Variants in ANKRD33B observed in about 807,000 individuals in gnomAD.
ANKRD33B encodes ankyrin repeat domain 33B, also known as ankyrin repeat domain-containing protein 33B.
A neutral mutation model predicts 21.5 loss-of-function variants in ANKRD33B; 6 were observed. The observed-to-expected ratio is 0.28, with a 90% CI of 0.15 to 0.55. The LOEUF (loss-of-function observed/expected upper bound fraction) is 0.55. Among genes scored for constraint, ANKRD33B ranks in the 20% least tolerant of loss-of-function variants. The probability of loss-of-function intolerance (pLI) is 0.94; values close to 1 mark genes in which losing one functional copy is unlikely to be tolerated. For missense variants in ANKRD33B, 698 were observed against 747.2 expected, an observed-to-expected ratio of 0.93 and a Z score of 0.77; for synonymous variants, 347 against 342.4, an observed-to-expected ratio of 1.01 and a Z score of -0.15.
In ANKRD33B at chr5:10,591,194, G is replaced by GTTTTT. The variant is rs749837253; in HGVS notation, c.366+26361_366+26362insTTTTT. On this transcript the variant is annotated intron_variant, in intron 1 of 3. Transcript: ENST00000296657. ...AATAGTCATCTACATTTTTTTTAGTGGTTTTTTTTTTTTTTTGAGATGGAG... is the reference window on the plus strand; with the variant it reads ...AATAGTCATCTACATTTTTTTTAGTGTTTTTGTTTTTTTTTTTTTTTGAGATGGAG... 2.3e-3 allele frequency among the ~76,000 whole-genome samples: 258 copies of GTTTTT among 113,446 alleles called. 17 individuals carry two copies. Among genetic ancestry groups the GTTTTT allele is most frequent in the African/African-American group, 7.1e-3 (220 of 30,824 alleles). The allele number at this position is 113,446 out of a possible 152,430, so 74.4% of individuals were successfully genotyped here. A position where few individuals can be genotyped will look rare whatever the true frequency, so the allele number is the denominator to read the frequency against.
intron 1 of ANKRD33B, among the ~76,000 whole-genome samples, chr5:10,567,763 C>T (rs1277365970): frequency 6.6e-6 from 1 of 152,118 alleles, no homozygotes; most frequent in African/African-American, 2.4e-5. Flanking sequence ...ACGGAGGGAA[C>T]AGTGTGTGCA....
At chr5:10,633,096 T>TC (rs1736767307) in intron 2 of ANKRD33B, among the ~76,000 whole-genome samples, 1 of 128,066 alleles carries the variant, frequency 7.8e-6, no homozygotes, top group Non-Finnish European at 1.7e-5. Flanking sequence ...CCAGTTCTCC[T>TC]CTTTTTTTTT....
chr5:10,630,088 A>G (rs1736669927), intron 2 of ANKRD33B, among the ~76,000 whole-genome samples: 1 of 152,282 alleles, frequency 6.6e-6, no homozygotes, highest in Middle Eastern at 3.4e-3. Flanking sequence ...TGAGTCACAT[A>G]TGCTTTTAAG....
At position 10,576,474 on chromosome 5, in the gene ANKRD33B, A is replaced by G. The variant is rs1380870321; in HGVS notation, c.366+11641A>G. 1.3e-5 allele frequency among the ~76,000 whole-genome samples: 2 copies of G among 152,172 alleles called. No individual in the cohort carries two copies. Among genetic ancestry groups the G allele is most frequent in the African/African-American group, 4.8e-5 (2 of 41,458 alleles). On this transcript the variant is annotated intron_variant, in intron 1 of 3. Coordinates refer to ENST00000296657, the MANE Select transcript of ANKRD33B (RefSeq NM_001164440.2). The surrounding 1 kb of genome is among the most constrained non-coding windows in gnomAD (Gnocchi z 4.1). ...TTCTAGAACTTTTCTTAGAGTAGAA[A>G]TCCAGTTTGTTGGTTGCATGATCCT...
At chr5:10,610,359 G>A (rs762164909) in intron 1 of ANKRD33B, among the ~76,000 whole-genome samples, 24 of 151,888 alleles carry the variant, frequency 1.6e-4, no homozygotes, top group East Asian at 9.6e-4. Flanking sequence ...TGCTCCTGAC[G>A]TCTAATGGGT....
chr5:10,629,102 C>A (rs1736646169), intron 2 of ANKRD33B, among the ~76,000 whole-genome samples: 1 of 152,026 alleles, frequency 6.6e-6, no homozygotes, highest in African/African-American at 2.4e-5. Context: ...AAGAGCAGAG[C>A]CCATGGAGAG....
chr5:10,564,676 A>G lies in ANKRD33B; in HGVS notation c.209A>G (p.Glu70Gly), dbSNP rs1735006184. The change falls in exon 1 of 4, where the codon GAG becomes GGG. Residue 70 changes from glutamate (E) to glycine (G), a missense_variant. Around this residue, in one of 3 missense-constraint regions of ANKRD33B, gnomAD observed 148 missense variants for 154.9 expected, o/e 0.96. Transcript: ENST00000296657. ...PFEDEEEHGV[E>G]SAESVPEGVP... ...GAGGACGAGGAGGAGCACGGCGTCG[A>G]GAGCGCGGAGAGCGTCCCGGAGGGC... is the stretch of plus-strand genomic sequence containing the variant. 2.0e-6 allele frequency: 3 copies of G among 1,534,422 alleles called. No homozygotes were observed. Among genetic ancestry groups the G allele is most frequent in the Admixed American group, 3.9e-5 (2 of 50,974 alleles).
chr5:10,651,962 C>A lies in ANKRD33B; in HGVS notation c.*1849C>A, dbSNP rs576783762. On this transcript the variant is annotated 3_prime_UTR_variant, in exon 4 of 4. Coordinates refer to ENST00000296657, the MANE Select transcript of ANKRD33B (RefSeq NM_001164440.2). ...TGATGAATGCCACAGGAGACTGGAC[C>A]CTCTTTGAGAACTGCAGATATTAGT... is the stretch of plus-strand genomic sequence containing the variant. 6.6e-6 allele frequency: 1 copy of A among 152,370 alleles called. No homozygotes were observed. Among genetic ancestry groups the A allele is most frequent in the African/African-American group, 2.4e-5 (1 of 41,438 alleles). 9.4% of individuals were successfully genotyped at this position (152,370 alleles called of 1,614,324 possible). A position where few individuals can be genotyped will look rare whatever the true frequency, so the allele number is the denominator to read the frequency against.
intron 2 of ANKRD33B, among the ~76,000 whole-genome samples, chr5:10,632,539 A>C (rs968802544): frequency 6.6e-6 from 1 of 151,518 alleles, no homozygotes; most frequent in Non-Finnish European, 1.5e-5. Context: ...CTGTCCATCC[A>C]CTCATTTAGG....
At chr5:10,573,742 A>C (rs1326407001) in intron 1 of ANKRD33B, among the ~76,000 whole-genome samples, 1 of 152,096 alleles carries the variant, frequency 6.6e-6, no homozygotes, top group Non-Finnish European at 1.5e-5. Context: ...AAACCATCAG[A>C]TCTTGTGAGA....
At chr5:10,594,694 G>A (rs576976280) in intron 1 of ANKRD33B, among the ~76,000 whole-genome samples, 2 of 152,174 alleles carry the variant, frequency 1.3e-5, no homozygotes, top group South Asian at 4.2e-4. Flanking sequence ...AACCTAAGAA[G>A]AACGACTCCT....
chr5:10,625,789 C>A (rs377240728), intron 2 of ANKRD33B, among the ~76,000 whole-genome samples: 11 of 152,202 alleles, frequency 7.2e-5, no homozygotes, highest in Non-Finnish European at 1.5e-4. Flanking sequence ...AGTTAATCAA[C>A]GGCAGCAAGG....
At chr5:10,600,084 C>G (rs1710776709) in intron 1 of ANKRD33B, among the ~76,000 whole-genome samples, 1 of 152,258 alleles carries the variant, frequency 6.6e-6, no homozygotes, top group African/African-American at 2.4e-5. Flanking sequence ...ATGAGCATTT[C>G]TCATGACTCA....
intron 1 of ANKRD33B, among the ~76,000 whole-genome samples, chr5:10,590,581 T>A (rs1230224407): frequency 7.4e-6 from 1 of 134,642 alleles, no homozygotes; most frequent in African/African-American, 2.7e-5. Flanking sequence ...TCTTAAAATA[T>A]TTTGAGATGC....
chr5:10,603,388 G>A (rs1485306343), intron 1 of ANKRD33B, among the ~76,000 whole-genome samples: 1 of 151,558 alleles, frequency 6.6e-6, no homozygotes, highest in Non-Finnish European at 1.5e-5. Flanking sequence ...TCAGCCTCCT[G>A]AGTAGCTCAG....
intron 1 of ANKRD33B, among the ~76,000 whole-genome samples, chr5:10,605,313 G>A (rs532298943): frequency 1.2e-4 from 19 of 152,338 alleles, no homozygotes; most frequent in African/African-American, 4.6e-4. Flanking sequence ...CACCAAGGAT[G>A]TGAATACCAG....
chr5:10,622,731 C>T (rs1451441033), intron 2 of ANKRD33B, among the ~76,000 whole-genome samples: 1 of 152,004 alleles, frequency 6.6e-6, no homozygotes, highest in Non-Finnish European at 1.5e-5. Flanking sequence ...AAACCTGTAG[C>T]CCAGCCCCTT....
intron 1 of ANKRD33B, among the ~76,000 whole-genome samples, chr5:10,565,379 C>T (rs907508479): frequency 2.0e-5 from 3 of 152,262 alleles, no homozygotes; most frequent in African/African-American, 4.8e-5. Context: ...TCTTCCCTCG[C>T]CGGGACAGCT....
At chr5:10,584,571 G>T (rs1377421589) in intron 1 of ANKRD33B, among the ~76,000 whole-genome samples, 2 of 152,014 alleles carry the variant, frequency 1.3e-5, no homozygotes, top group African/African-American at 4.8e-5. Context: ...AAAAAGAAAT[G>T]TCACAAAACA....
Sources: gnomAD v4.1 joint callset for allele counts (sites outside exome capture counted in the v4.1 genomes callset) on GRCh38, gnomAD v4.1.1 for gene constraint, gnomAD v4.1.1 regional missense constraint, Gnocchi (gnomAD v3.1) non-coding constraint, MANE v1.5 for transcripts, NCBI Gene and HGNC (gene_info 2026-07-23, HGNC 2026-07-21) for gene names.